Variants in XIAP observed in about 807,000 individuals in gnomAD.
XIAP encodes the protein E3 ubiquitin-protein ligase XIAP.
A neutral mutation model predicts 33.1 loss-of-function variants in XIAP; 3 were observed. That is an observed-to-expected ratio of 0.09 (90% confidence interval 0.04 to 0.23). The LOEUF (loss-of-function observed/expected upper bound fraction) is 0.23, where lower values mean the gene tolerates loss of function less well. Among genes scored for constraint, XIAP ranks in the 10% least tolerant of loss-of-function variants. The pLI is 1.00. For missense variants in XIAP, 264 were observed against 363.0 expected, an observed-to-expected ratio of 0.73 and a Z score of 2.22; for synonymous variants, 98 against 121.3, an observed-to-expected ratio of 0.81 and a Z score of 1.26.
At chrX:123,882,414 C>T (rs978985982) in intron 1 of XIAP, among the ~76,000 whole-genome samples, 1 of 112,156 alleles carries the variant, frequency 8.9e-6, no homozygotes, top group Non-Finnish European at 1.9e-5. Context: ...AGTCTATCCT[C>T]TCTACCCTTC....
intron 1 of XIAP, among the ~76,000 whole-genome samples, chrX:123,884,422 C>T (rs113924654): frequency 0.024 from 2,549 of 107,985 alleles, 67 homozygotes; most frequent in African/African-American, 0.081. Context: ...AGGCGGAGGT[C>T]GCATGAACCA....
At chrX:123,896,312 C>T (rs1417194564) in intron 5 of XIAP, among the ~76,000 whole-genome samples, 2 of 110,638 alleles carry the variant, frequency 1.8e-5, no homozygotes, top group African/African-American at 6.6e-5. Context: ...AACAATCTGC[C>T]TCCCTTGGCC....
intron 1 of XIAP, among the ~76,000 whole-genome samples, chrX:123,869,374 A>AAAAAAC (rs1256808837): frequency 3.1e-5 from 3 of 97,899 alleles, no homozygotes; most frequent in Admixed American, 2.3e-4. Context: ...AAAAAAAAAA[A>AAAAAAC]AAAAAAAAAA....
At chrX:123,902,155 A>C (rs2053519552) in intron 6 of XIAP, among the ~76,000 whole-genome samples, 1 of 112,256 alleles carries the variant, frequency 8.9e-6, no homozygotes, top group Admixed American at 9.6e-5. Flanking sequence ...TCAAACCTTA[A>C]TGTATCTGCA....
rs1452580602 is a variant in XIAP at position 123,912,759 on chromosome X, A to G, written c.*5578A>G. 2 of 327,348 alleles carry G rather than the reference A, an allele frequency of 6.1e-6. No individual in the cohort carries two copies. The highest frequency in any genetic ancestry group is 2.6e-5 in the South Asian group (1 of 38,225). 27.0% of individuals were successfully genotyped at this position (327,348 alleles called of 1,213,427 possible). A position where few individuals can be genotyped will look rare whatever the true frequency, so the allele number is the denominator to read the frequency against. On this transcript the variant is annotated 3_prime_UTR_variant, in exon 7 of 7. Transcript: ENST00000371199. ...GAGTGCAATGGCACAATCTTGGCTC[A>G]TGGCAAACTCTGCCTCGCAAGCAGC...
intron 5 of XIAP, among the ~76,000 whole-genome samples, chrX:123,896,737 T>C (rs2053464274): frequency 9.2e-6 from 1 of 108,451 alleles, no homozygotes; most frequent in Non-Finnish European, 1.9e-5. Flanking sequence ...TGCACCACCA[T>C]GGCTGGCTAA....
chrX:123,891,710 A>G (rs2053409726), intron 4 of XIAP, among the ~76,000 whole-genome samples: 1 of 108,804 alleles, frequency 9.2e-6, no homozygotes, highest in East Asian at 2.9e-4. Flanking sequence ...AGTCCCAGCT[A>G]CTTGGGCGGC....
chrX:123,912,239 T>TAAA lies in XIAP; in HGVS notation c.*5068_*5070dup. ...GAGAAAAAAAAAAAAGACCACACAATAAAAAAAAAAAATACAAAATAATAC... is the reference window on the plus strand; with the variant it reads ...GAGAAAAAAAAAAAAGACCACACAATAAAAAAAAAAAAAAATACAAAATAATAC... On this transcript the variant is annotated 3_prime_UTR_variant, in exon 7 of 7. Transcript: ENST00000371199. 4.9e-6 allele frequency: 1 copy of TAAA among 203,686 alleles called. No homozygotes were observed. The highest frequency in any genetic ancestry group is 8.8e-6 in the Non-Finnish European group (1 of 113,059). 16.8% of individuals were successfully genotyped at this position (203,686 alleles called of 1,213,427 possible). A position where few individuals can be genotyped will look rare whatever the true frequency, so the allele number is the denominator to read the frequency against.
rs1424904893 is a variant in XIAP at position 123,908,548 on chromosome X, CTTAAAGTT to C, written c.*1369_*1376del. On this transcript the variant is annotated 3_prime_UTR_variant, in exon 7 of 7. Transcript: ENST00000371199. ...TTGAGATTCTCATATCATCTTGTAT[CTTAAAGTT>C]TCATGTGAGTTTTTACCGTTAGGAT... 1 of 362,318 alleles carries C rather than the reference CTTAAAGTT, an allele frequency of 2.8e-6. No individual in the cohort carries two copies. Among genetic ancestry groups the C allele is most frequent in the Non-Finnish European group, 5.2e-6 (1 of 190,948 alleles). 29.9% of individuals were successfully genotyped at this position (362,318 alleles called of 1,213,427 possible). A position where few individuals can be genotyped will look rare whatever the true frequency, so the allele number is the denominator to read the frequency against.
chrX:123,878,759 A>T (rs905063511), intron 1 of XIAP: 4 of 111,990 alleles, frequency 3.6e-5, no homozygotes, highest in African/African-American at 1.3e-4. Flanking sequence ...CAGGCTTTTG[A>T]TGGTAGGAAT....
chrX:123,910,322 A>T lies in XIAP; in HGVS notation c.*3141A>T, dbSNP rs1191275564. ...ATGTGATTTGGCCCTGTGTATTATG[A>T]TATTTTGTTATTTTTGTTGTTATAT... is the stretch of plus-strand genomic sequence containing the variant. On this transcript the variant is annotated 3_prime_UTR_variant, in exon 7 of 7. Transcript: ENST00000371199. 3.1e-6 allele frequency: 1 copy of T among 326,867 alleles called. No homozygotes were observed. Among genetic ancestry groups the T allele is most frequent in the Non-Finnish European group, 5.9e-6 (1 of 169,497 alleles). The allele number at this position is 326,867 out of a possible 1,213,427, so 26.9% of individuals were successfully genotyped here.
Position 123,892,783 on chromosome X carries a change from C to T in XIAP, c.1099+10C>T. 1.7e-6 allele frequency: 2 copies of T among 1,170,681 alleles called. No individual in the cohort carries two copies. Among genetic ancestry groups the T allele is most frequent in the Non-Finnish European group, 2.3e-6 (2 of 860,137 alleles). On this transcript the variant is annotated intron_variant, in intron 5 of 6. Coordinates refer to ENST00000371199, the MANE Select transcript of XIAP (RefSeq NM_001167.4). The stretch of plus-strand genomic sequence containing the variant: ...CTAACTAGAAGAATTGGTAAATATG[C>T]TTGTTAACTATCCTTTTAATTTAAC...
chrX:123,908,751 T>A lies in XIAP; in HGVS notation c.*1570T>A, dbSNP rs777260325. On this transcript the variant is annotated 3_prime_UTR_variant, in exon 7 of 7. Coordinates refer to ENST00000371199, the MANE Select transcript of XIAP (RefSeq NM_001167.4). The stretch of plus-strand genomic sequence containing the variant: ...GAAAAGAAGAATAGTTGTTTAAATA[T>A]TTTTTAAAAAACACTTGAATAAGAA... The A allele has an allele frequency of 2.9e-6, 1 of 346,652 alleles. No individual in the cohort carries two copies. Among genetic ancestry groups the A allele is most frequent in the South Asian group, 2.7e-5 (1 of 36,509 alleles). 28.6% of individuals were successfully genotyped at this position (346,652 alleles called of 1,213,427 possible). A position where few individuals can be genotyped will look rare whatever the true frequency, so the allele number is the denominator to read the frequency against.
At chrX:123,866,045 A>G (rs1361901302) in intron 1 of XIAP, among the ~76,000 whole-genome samples, 1 of 110,369 alleles carries the variant, frequency 9.1e-6, no homozygotes, top group East Asian at 2.9e-4. Flanking sequence ...GGTTCAGGCA[A>G]TTCTCCTGCC....
intron 5 of XIAP, among the ~76,000 whole-genome samples, chrX:123,895,457 G>A (rs772578767): frequency 9.1e-6 from 1 of 110,246 alleles, no homozygotes; most frequent in South Asian, 4.0e-4. Context: ...GTTCTCTTGG[G>A]CATATATCCA....
Position 123,860,507 on chromosome X carries a change from G to T in XIAP, c.-33+214G>T, listed in dbSNP as rs944530495. 5 of 255,691 alleles carry T rather than the reference G, an allele frequency of 2.0e-5. No homozygotes were observed. In the Admixed American group the frequency reaches 2.6e-4, roughly 13 times the overall value. 21.1% of individuals were successfully genotyped at this position (255,691 alleles called of 1,213,427 possible). A position where few individuals can be genotyped will look rare whatever the true frequency, so the allele number is the denominator to read the frequency against. ...GGCGTGGGTGGGTGGGTGACTTCAG[G>T]CCTGCAGGATTGCCTTCCTAAACCC... On this transcript the variant is annotated intron_variant, in intron 1 of 6. Coordinates refer to ENST00000371199, the MANE Select transcript of XIAP (RefSeq NM_001167.4).
rs1197770556 is a variant in XIAP at position 123,909,472 on chromosome X, T to G, written c.*2291T>G. The G allele has an allele frequency of 2.5e-5, 8 of 315,909 alleles. No individual in the cohort carries two copies. In the Admixed American group the frequency reaches 2.6e-4, roughly 10 times the overall value. 26.0% of individuals were successfully genotyped at this position (315,909 alleles called of 1,213,427 possible). ...TATATAGTCATTAACTTGAATTTGG[T>G]CTGTATAGTCTAGACTTTAAATTTA... On this transcript the variant is annotated 3_prime_UTR_variant, in exon 7 of 7. Transcript: ENST00000371199.
intron 3 of XIAP, among the ~76,000 whole-genome samples, chrX:123,890,762 T>C (rs1270188539): frequency 1.8e-5 from 2 of 109,145 alleles, no homozygotes; most frequent in Non-Finnish European, 1.9e-5. Flanking sequence ...ACCAACATGG[T>C]GAAACCCTGT....
At chrX:123,890,895 C>T (rs765093231) in intron 3 of XIAP, among the ~76,000 whole-genome samples, 1 of 102,704 alleles carries the variant, frequency 9.7e-6, no homozygotes, top group African/African-American at 3.6e-5. Flanking sequence ...AAGCCAAGAT[C>T]GTGCCACTGC....
Sources: allele counts gnomAD v4.1 joint callset (sites outside exome capture counted in the v4.1 genomes callset), GRCh38; gene constraint gnomAD v4.1.1; transcripts MANE v1.5; gene names NCBI Gene and HGNC (gene_info 2026-07-23, HGNC 2026-07-21).